LMO7: variants seen among roughly 807,000 people sequenced by gnomAD.
LMO7 encodes LIM domain 7, also known as LIM domain only protein 7.
LMO7 carries 120 observed loss-of-function variants against 206.5 expected under a neutral mutation model. That is an observed-to-expected ratio of 0.58 (90% CI 0.50 to 0.68). The LOEUF (loss-of-function observed/expected upper bound fraction) is 0.68. Ranked by LOEUF, LMO7 falls within the 30% of genes least tolerant of loss-of-function variation. LMO7 has a pLI of 0.00. For missense variants in LMO7, 1,959 were observed against 1,957.9 expected (o/e 1.00, Z -0.01); for synonymous variants, 706 against 681.5 (o/e 1.04, Z -0.56).
In LMO7 at chr13:75,806,519, T is replaced by G. The variant is rs2055494128; in HGVS notation, c.1196+759T>G. 1.3e-5 allele frequency: 2 copies of G among 152,348 alleles called. 1 individual carries two copies. The highest frequency in any genetic ancestry group is 1.3e-4 in the Admixed American group (2 of 15,288). 9.4% of individuals were successfully genotyped at this position (152,348 alleles called of 1,614,324 possible). On this transcript the variant is annotated intron_variant, in intron 9 of 30. Transcript: ENST00000377534. The stretch of plus-strand genomic sequence containing the variant: ...AGGATATATTTACATGTGGCAGTTC[T>G]TTTGAAAAGCCGGTTCAAAAAGGCT...
chr13:75,677,911 C>G (rs560858790), intron 1 of LMO7, among the ~76,000 whole-genome samples: 5 of 149,992 alleles, frequency 3.3e-5, no homozygotes, highest in Admixed American at 6.7e-5. Flanking sequence ...TTTGTCCTTG[C>G]GATAGTTTGC....
At chr13:75,808,475 C>A (rs899404396) in intron 10 of LMO7, among the ~76,000 whole-genome samples, 1 of 152,142 alleles carries the variant, frequency 6.6e-6, no homozygotes, top group Non-Finnish European at 1.5e-5. Context: ...GTGGTACTAT[C>A]CACCAATATG....
intron 3 of LMO7, among the ~76,000 whole-genome samples, chr13:75,745,665 A>T (rs1037243374): frequency 6.6e-6 from 1 of 152,122 alleles, no homozygotes. Context: ...AGTAAAGCAG[A>T]TTGCTCTCCC....
intron 30 of LMO7, 34 bp downstream of exon 30, chr13:75,856,642 C>A: frequency 7.3e-7 from 1 of 1,375,384 alleles, no homozygotes; most frequent in Non-Finnish European, 1.0e-6. Context: ...AATTTCTTGC[C>A]TTTTAAGGAG....
rs2048153595 is a variant in LMO7 at position 75,761,003 on chromosome 13, A to G, written c.282A>G (p.Gly94=). The G allele has an allele frequency of 6.2e-7, 1 of 1,613,146 alleles. No homozygotes were observed. Among genetic ancestry groups the G allele is most frequent in the Admixed American group, 1.7e-5 (1 of 59,870 alleles). Residue 94 remains glycine (G), a synonymous_variant, in exon 4 of 31, where the codon GGA becomes GGG. Coordinates refer to ENST00000377534, the MANE Select transcript of LMO7 (RefSeq NM_001306080.2). The stretch of plus-strand genomic sequence containing the variant: ...AAGAAGCCCAGCTTTTCCATCCTGG[A>G]GATCTACAGGATTTATCAAATCGAG... ...GLKEAQLFHP[G]DLQDLSNRVT...
intron 3 of LMO7, among the ~76,000 whole-genome samples, chr13:75,750,445 A>G (rs993756174): frequency 1.4e-5 from 2 of 138,594 alleles, no homozygotes; most frequent in African/African-American, 5.5e-5. Flanking sequence ...GCTGGAATGC[A>G]GTGGTGCAGT....
intron 1 of LMO7, among the ~76,000 whole-genome samples, chr13:75,658,247 G>C (rs1049066366): frequency 2.6e-5 from 4 of 152,104 alleles, no homozygotes; most frequent in African/African-American, 7.2e-5. Flanking sequence ...AGGTGTGTCA[G>C]ATAGGTAGTG....
chr13:75,657,662 A>G (rs1292529072), intron 1 of LMO7, among the ~76,000 whole-genome samples: 1 of 152,196 alleles, frequency 6.6e-6, no homozygotes, highest in African/African-American at 2.4e-5. Context: ...TTTGCATTTA[A>G]TACTGCTGGG....
At position 75,722,099 on chromosome 13, in the gene LMO7, A is replaced by C. The variant is rs1313342556; in HGVS notation, c.141-4930A>C. 3.9e-5 allele frequency among the ~76,000 whole-genome samples: 6 copies of C among 152,408 alleles called. No homozygotes were observed. In the East Asian group the frequency reaches 1.2e-3, roughly 29 times the overall value. On this transcript the variant is annotated intron_variant, in intron 2 of 30. Transcript: ENST00000377534. Reference sequence around the variant, plus strand: ...TTAAATCTAAGACCTGAGACCATAAAGATTCTGGAAGATAACATTGAAAAA... The same window carrying C: ...TTAAATCTAAGACCTGAGACCATAACGATTCTGGAAGATAACATTGAAAAA...
intron 1 of LMO7, among the ~76,000 whole-genome samples, chr13:75,622,717 G>A (rs1051732012): frequency 1.3e-5 from 2 of 152,144 alleles, no homozygotes; most frequent in African/African-American, 2.4e-5. Flanking sequence ...ATACTAATGG[G>A]TCTTGATTTT....
At chr13:75,737,619 A>G (rs1171147093) in intron 3 of LMO7, among the ~76,000 whole-genome samples, 23 of 145,756 alleles carry the variant, frequency 1.6e-4, no homozygotes, top group East Asian at 1.2e-3. Context: ...CGGGCGTGGT[A>G]GCGGGCGCCT....
rs553086470 is a variant in LMO7, at chr13:75,859,762, C to T, written c.*1819C>T. On this transcript the variant is annotated 3_prime_UTR_variant, in exon 31 of 31. Coordinates refer to ENST00000377534, the MANE Select transcript of LMO7 (RefSeq NM_001306080.2). ...GCACGTGGGCTTGTTCATCTCACTG[C>T]ATGTTTATGAAGATACAGTTCTTTT... The T allele has an allele frequency of 6.6e-6, 1 of 152,322 alleles. No individual in the cohort carries two copies. Among genetic ancestry groups the T allele is most frequent in the Non-Finnish European group, 1.5e-5 (1 of 68,016 alleles). The allele number at this position is 152,322 out of a possible 1,614,324, so 9.4% of individuals were successfully genotyped here. A position where few individuals can be genotyped will look rare whatever the true frequency, so the allele number is the denominator to read the frequency against.
At chr13:75,646,930 A>G (rs2037078906) in intron 1 of LMO7, among the ~76,000 whole-genome samples, 1 of 152,114 alleles carries the variant, frequency 6.6e-6, no homozygotes, top group South Asian at 2.1e-4. Flanking sequence ...ATCTGCATGA[A>G]TACATTTTCT....
intron 2 of LMO7, among the ~76,000 whole-genome samples, chr13:75,721,027 T>C (rs2138389257): frequency 6.6e-6 from 1 of 152,330 alleles, no homozygotes; most frequent in Non-Finnish European, 1.5e-5. Context: ...GTTATTAATT[T>C]AAAATTTTAG....
intron 4 of LMO7, among the ~76,000 whole-genome samples, chr13:75,782,278 GAGAATT>G (rs2051612756): frequency 2.6e-5 from 4 of 152,178 alleles, no homozygotes; most frequent in African/African-American, 9.6e-5. Context: ...GATTAAAAGG[GAGAATT>G]AGGAGTAGGT....
intron 1 of LMO7, among the ~76,000 whole-genome samples, chr13:75,643,761 A>G (rs1001361555): frequency 5.3e-5 from 8 of 152,266 alleles, no homozygotes; most frequent in Non-Finnish European, 1.0e-4. Context: ...GGCTTTGCTT[A>G]AAGAGATGGA....
chr13:75,809,988 C>G (rs2056130331), intron 11 of LMO7, among the ~76,000 whole-genome samples: 1 of 152,048 alleles, frequency 6.6e-6, no homozygotes, highest in African/African-American at 2.4e-5. Flanking sequence ...CATGCCACCA[C>G]ACTCTGCTAA....
At chr13:75,685,678 C>T (rs2040912991) in intron 1 of LMO7, among the ~76,000 whole-genome samples, 1 of 151,934 alleles carries the variant, frequency 6.6e-6, no homozygotes, top group Non-Finnish European at 1.5e-5. Context: ...ATGCATAGCT[C>T]TCTGAGGCCT....
At chr13:75,771,412 T>C (rs1297543646) in intron 4 of LMO7, among the ~76,000 whole-genome samples, 1 of 152,088 alleles carries the variant, frequency 6.6e-6, no homozygotes, top group Non-Finnish European at 1.5e-5. Flanking sequence ...TTCCACTGTA[T>C]TTGCTGTGAT....
Sources: gnomAD v4.1 joint callset for allele counts (sites outside exome capture counted in the v4.1 genomes callset) on GRCh38, gnomAD v4.1.1 for gene constraint, MANE v1.5 for transcripts, NCBI Gene and HGNC (gene_info 2026-07-23, HGNC 2026-07-21) for gene names.